Variants in KCNH8 observed in about 807,000 individuals in gnomAD.
KCNH8 encodes potassium voltage-gated channel subfamily H member 8, also known as voltage-gated delayed rectifier potassium channel KCNH8.
KCNH8 carries 70 observed loss-of-function variants against 103.6 expected under a neutral mutation model. That is an observed-to-expected ratio of 0.68 (90% confidence interval 0.56 to 0.82). The LOEUF (loss-of-function observed/expected upper bound fraction) is 0.82, where lower values mean the gene tolerates loss of function less well. Among genes scored for constraint, KCNH8 ranks in the 40% least tolerant of loss-of-function variants. The pLI, the probability that KCNH8 is intolerant of heterozygous loss-of-function variation, is 0.00. For missense variants in KCNH8, 1,217 were observed against 1,329.9 expected, an observed-to-expected ratio of 0.92 and a Z score of 1.32; for synonymous variants, 498 against 489.4, an observed-to-expected ratio of 1.02 and a Z score of -0.23.
At chr3:19,409,422 T>C (rs2066741581) in intron 7 of KCNH8, among the ~76,000 whole-genome samples, 1 of 152,076 alleles carries the variant, frequency 6.6e-6, no homozygotes, top group Non-Finnish European at 1.5e-5. Context: ...CACACTGAAG[T>C]ATACAGCTCA....
At chr3:19,307,192 C>G (rs548057411) in intron 3 of KCNH8, among the ~76,000 whole-genome samples, 2 of 151,706 alleles carry the variant, frequency 1.3e-5, no homozygotes, top group Non-Finnish European at 2.9e-5. Context: ...ACTCAAACAT[C>G]TCAACAGCAA....
chr3:19,435,229 G>T (rs1237124219), intron 7 of KCNH8, among the ~76,000 whole-genome samples: 1 of 151,944 alleles, frequency 6.6e-6, no homozygotes, highest in Non-Finnish European at 1.5e-5. Context: ...ATGCCCAAAA[G>T]ACCACTGGAG....
At chr3:19,193,024 C>T (rs2063568243) in intron 1 of KCNH8, among the ~76,000 whole-genome samples, 1 of 151,540 alleles carries the variant, frequency 6.6e-6, no homozygotes, top group African/African-American at 2.4e-5. Flanking sequence ...TAGAAAGATT[C>T]ATTTATAGAT....
At chr3:19,492,075 A>T (rs549088753) in intron 11 of KCNH8, among the ~76,000 whole-genome samples, 16 of 152,080 alleles carry the variant, frequency 1.1e-4, no homozygotes, top group African/African-American at 3.9e-4. Context: ...GGATAATCAG[A>T]CCTTTTTCAG....
At chr3:19,355,123 C>T (rs1328266685) in intron 5 of KCNH8, among the ~76,000 whole-genome samples, 1 of 152,084 alleles carries the variant, frequency 6.6e-6, no homozygotes, top group African/African-American at 2.4e-5. Context: ...CCAACAGACA[C>T]ATGAAAAAAT....
chr3:19,343,480 A>G (rs1424537112), intron 4 of KCNH8, among the ~76,000 whole-genome samples: 1 of 152,102 alleles, frequency 6.6e-6, no homozygotes, highest in African/African-American at 2.4e-5. Flanking sequence ...TAGATACTCA[A>G]AGTTTTAAGA....
intron 1 of KCNH8, among the ~76,000 whole-genome samples, chr3:19,181,226 C>G (rs2063450341): frequency 6.6e-6 from 1 of 151,986 alleles, no homozygotes; most frequent in African/African-American, 2.4e-5. Context: ...AAAATTGAGC[C>G]CAGAAGGATT....
chr3:19,408,604 A>G (rs1433676908), intron 7 of KCNH8, among the ~76,000 whole-genome samples: 1 of 152,138 alleles, frequency 6.6e-6, no homozygotes, highest in Non-Finnish European at 1.5e-5. Context: ...GTGGAAAATC[A>G]ACACAAAAAA....
chr3:19,522,332 G>A (rs910938799), intron 15 of KCNH8, among the ~76,000 whole-genome samples: 1 of 151,550 alleles, frequency 6.6e-6, no homozygotes, highest in African/African-American at 2.4e-5. Context: ...AGCCAGTGGT[G>A]TCAGTTCCAT....
At chr3:19,216,749 A>G (rs2063822044) in intron 1 of KCNH8, among the ~76,000 whole-genome samples, 1 of 152,162 alleles carries the variant, frequency 6.6e-6, no homozygotes, top group Non-Finnish European at 1.5e-5. Flanking sequence ...AACCCCTTTT[A>G]TGTTCTCTTC....
rs138269034 is a variant in KCNH8, at chr3:19,289,637, T to C, written c.442+8308T>C. On this transcript the variant is annotated intron_variant, in intron 3 of 15. Coordinates refer to ENST00000328405, the MANE Select transcript of KCNH8 (RefSeq NM_144633.3). ...TGTTTTGGTTACCGTAGCCTTGTAG[T>C]ATAGTTTGAAGTCAGGTAGCGTCAT... Among the ~76,000 whole-genome samples, 1,461 of 152,346 alleles carry C rather than the reference T, an allele frequency of 9.6e-3. 7 individuals are homozygous for C. Among genetic ancestry groups the C allele is most frequent in the Middle Eastern group, 0.02 (6 of 294 alleles).
At chr3:19,431,058 T>C (rs998784302) in intron 7 of KCNH8, among the ~76,000 whole-genome samples, 9 of 152,146 alleles carry the variant, frequency 5.9e-5, no homozygotes, top group African/African-American at 1.9e-4. Flanking sequence ...TCCTTGTCTT[T>C]TGCAGTTTTC....
chr3:19,468,812 T>A (rs1479348367), intron 11 of KCNH8, among the ~76,000 whole-genome samples: 2 of 152,214 alleles, frequency 1.3e-5, no homozygotes, highest in African/African-American at 4.8e-5. Context: ...ATTCCTTCCT[T>A]AGATAAAAAC....
At chr3:19,214,339 C>T (rs2063798797) in intron 1 of KCNH8, among the ~76,000 whole-genome samples, 1 of 152,144 alleles carries the variant, frequency 6.6e-6, no homozygotes, top group Non-Finnish European at 1.5e-5. Context: ...GCTATAGGAC[C>T]ATCCCATAGC....
intron 11 of KCNH8, among the ~76,000 whole-genome samples, chr3:19,510,077 T>C (rs2068758111): frequency 6.6e-6 from 1 of 152,158 alleles, no homozygotes; most frequent in African/African-American, 2.4e-5. Flanking sequence ...ATCATTATTT[T>C]TTAGGTGTGG....
chr3:19,298,154 A>G (rs1176756255), intron 3 of KCNH8, among the ~76,000 whole-genome samples: 1 of 152,260 alleles, frequency 6.6e-6, no homozygotes, highest in Admixed American at 6.5e-5. Flanking sequence ...GAGTTACTAA[A>G]TGACCTAATG....
intron 1 of KCNH8, among the ~76,000 whole-genome samples, chr3:19,156,117 G>A (rs900215323): frequency 1.3e-5 from 2 of 152,028 alleles, no homozygotes; most frequent in African/African-American, 4.8e-5. Flanking sequence ...TTATTTTCAC[G>A]TGGTTCAAGC....
intron 1 of KCNH8, among the ~76,000 whole-genome samples, chr3:19,209,858 T>G (rs938498793): frequency 6.6e-6 from 1 of 152,080 alleles, no homozygotes; most frequent in Non-Finnish European, 1.5e-5. Flanking sequence ...AGGTACCTTT[T>G]GAGTTATCCT....
At chr3:19,418,377 C>T (rs2066894131) in intron 7 of KCNH8, among the ~76,000 whole-genome samples, 1 of 152,150 alleles carries the variant, frequency 6.6e-6, no homozygotes, top group South Asian at 2.1e-4. Context: ...GTGGAGAATG[C>T]AAGTCTCATC....
Sources: allele counts gnomAD v4.1 joint callset (sites outside exome capture counted in the v4.1 genomes callset), GRCh38; gene constraint gnomAD v4.1.1; transcripts MANE v1.5; gene names NCBI Gene and HGNC (gene_info 2026-07-23, HGNC 2026-07-21).